TACC2: variants seen among roughly 807,000 people sequenced by gnomAD.
TACC2 encodes the protein transforming acidic coiled-coil-containing protein 2.
TACC2 carries 137 observed loss-of-function variants against 227.3 expected under a neutral mutation model. The ratio of observed to expected loss-of-function variants is 0.60; its 90% CI spans 0.52 to 0.69. The LOEUF (loss-of-function observed/expected upper bound fraction) is 0.69. TACC2 is among the 30% of genes least tolerant of loss of function. TACC2 has a pLI of 0.00. For missense variants in TACC2, 3,470 were observed against 3,694.4 expected, an observed-to-expected ratio of 0.94 and a Z score of 1.57; for synonymous variants, 1,523 against 1,487.5, an observed-to-expected ratio of 1.02 and a Z score of -0.55.
chr10:122,006,451 A>AAAATAAATAAATAAATAAATAAATAAAT (rs147969943), intron 1 of TACC2, among the ~76,000 whole-genome samples: 15 of 149,242 alleles, frequency 1.0e-4, no homozygotes, highest in African/African-American at 3.7e-4. Context: ...TCAGTCTCAA[A>AAAATAAATAAATAAATAAATAAATAAAT]AAATAAATAA....
At chr10:122,213,296 C>T in intron 9 of TACC2, 1 of 1,591,184 alleles carries the variant, frequency 6.3e-7, no homozygotes, top group South Asian at 1.1e-5. Context: ...TCTTTTTTGT[C>T]AGTTCCTTCT....
At chr10:122,133,068 G>C (rs191983667) in intron 6 of TACC2, among the ~76,000 whole-genome samples, 35 of 152,272 alleles carry the variant, frequency 2.3e-4, no homozygotes, top group African/African-American at 7.7e-4. Flanking sequence ...TAGAGAGAAC[G>C]TGCTACTTCT....
chr10:121,994,436 C>T (rs1181814807), intron 1 of TACC2, among the ~76,000 whole-genome samples: 4 of 152,192 alleles, frequency 2.6e-5, no homozygotes, highest in South Asian at 2.1e-4. Context: ...TGGAGGCTGG[C>T]GGCACCTGCA....
chr10:122,126,201 C>G (rs920373073), intron 5 of TACC2, among the ~76,000 whole-genome samples: 5 of 152,186 alleles, frequency 3.3e-5, no homozygotes, highest in Non-Finnish European at 5.9e-5. Context: ...GACTAACTAG[C>G]TGGCATTGTA....
chr10:122,036,530 C>T (rs12355639), intron 2 of TACC2, among the ~76,000 whole-genome samples: 23,205 of 145,070 alleles, frequency 0.16, 2,156 homozygotes, highest in Admixed American at 0.23. Context: ...GACAGAGTCT[C>T]GCTCTGTTAC....
intron 5 of TACC2, chr10:122,088,793 G>A: frequency 6.7e-7 from 1 of 1,497,392 alleles, no homozygotes; most frequent in Non-Finnish European, 8.9e-7. Flanking sequence ...GGGATTGAAT[G>A]AGTTGCTTTC....
At chr10:122,010,809 A>G (rs1485832513) in intron 1 of TACC2, among the ~76,000 whole-genome samples, 1 of 152,252 alleles carries the variant, frequency 6.6e-6, no homozygotes, top group East Asian at 1.9e-4. Flanking sequence ...CTTTTGCAAC[A>G]TCACAAACCA....
chr10:122,107,877 TA>T (rs767819949), intron 5 of TACC2, among the ~76,000 whole-genome samples: 16,047 of 89,248 alleles, frequency 0.18, 1,143 homozygotes, highest in African/African-American at 0.2. Context: ...TATATATATA[TA>T]TATTTTTTTT....
chr10:121,990,586 C>G (rs573798844), intron 1 of TACC2, among the ~76,000 whole-genome samples: 47 of 152,210 alleles, frequency 3.1e-4, no homozygotes, highest in African/African-American at 1.1e-3. Flanking sequence ...CAGACCCTCT[C>G]CAGGGTCTGC....
chr10:122,145,445 A>C (rs781612923), intron 7 of TACC2, among the ~76,000 whole-genome samples: 1 of 152,216 alleles, frequency 6.6e-6, no homozygotes, highest in Non-Finnish European at 1.5e-5. Context: ...GATTCAGTCT[A>C]GATGAGATTC....
intron 7 of TACC2, among the ~76,000 whole-genome samples, chr10:122,170,592 G>A (rs1041351165): frequency 3.3e-5 from 5 of 152,164 alleles, no homozygotes; most frequent in African/African-American, 1.2e-4. Flanking sequence ...GTGAGCCACT[G>A]TGCCTGACCA....
At chr10:122,236,964 A>G (rs1018322534) in intron 16 of TACC2, among the ~76,000 whole-genome samples, 1 of 152,250 alleles carries the variant, frequency 6.6e-6, no homozygotes, top group Non-Finnish European at 1.5e-5. Context: ...AAAGTGATCA[A>G]ATCTGTGGTT....
chr10:122,088,889 G>C (rs1471934145), intron 5 of TACC2, among the ~76,000 whole-genome samples: 2 of 152,198 alleles, frequency 1.3e-5, no homozygotes, highest in Non-Finnish European at 2.9e-5. Context: ...GGGAGGTCGA[G>C]GCAGGAAGAT....
At chr10:122,216,903 A>T (rs1289076160) in intron 11 of TACC2, 75 bp downstream of exon 11, 1 of 1,611,966 alleles carries the variant, frequency 6.2e-7, no homozygotes, top group Non-Finnish European at 8.5e-7. Flanking sequence ...AAAGGCCAGG[A>T]GAGAAACTTC....
chr10:122,021,998 G>C lies in TACC2; in HGVS notation c.17G>C (p.Ser6Thr). Residue 6 changes from serine to threonine, a missense_variant, in exon 2 of 23, where the codon AGC becomes ACC. Ser to Thr is a moderately conservative substitution (Grantham distance 58). Transcript: ENST00000369005. MGNEN[S>T]TSDNQRTLSA... is the part of the protein sequence containing the mutation. ...TGAATCAACATGGGCAATGAGAACA[G>C]CACCTCGGACAACCAGGTGGGTGTC... 1 of 1,614,144 alleles carries C rather than the reference G, an allele frequency of 6.2e-7. No individual in the cohort carries two copies. The highest frequency in any genetic ancestry group is 1.1e-5 in the South Asian group (1 of 91,082).
chr10:122,073,051 T>C (rs994339322), intron 3 of TACC2, among the ~76,000 whole-genome samples: 2 of 137,818 alleles, frequency 1.5e-5, no homozygotes, highest in Non-Finnish European at 1.5e-5. Context: ...AGGCGGAGCT[T>C]GCAGTGAGCC....
chr10:122,128,942 A>G (rs1316403499), intron 5 of TACC2, among the ~76,000 whole-genome samples: 1 of 151,924 alleles, frequency 6.6e-6, no homozygotes, highest in East Asian at 1.9e-4. Context: ...AGACACACAT[A>G]CCCATGTATA....
chr10:122,228,767 G>T (rs1272995539), intron 14 of TACC2, among the ~76,000 whole-genome samples: 4 of 152,054 alleles, frequency 2.6e-5, no homozygotes, highest in South Asian at 4.1e-4. Flanking sequence ...GGATGCTGGG[G>T]TGGATACTAG....
chr10:122,227,698 A>T, intron 13 of TACC2, 139 bp from the exon 14 acceptor site: 1 of 909,764 alleles, frequency 1.1e-6, no homozygotes. Context: ...TAGAGGCTGC[A>T]TGGCCACTGG....
Sources: allele counts gnomAD v4.1 joint callset (sites outside exome capture counted in the v4.1 genomes callset), GRCh38; gene constraint gnomAD v4.1.1; transcripts MANE v1.5; gene names NCBI Gene and HGNC (gene_info 2026-07-23, HGNC 2026-07-21).